Variants in RAB27A observed in about 807,000 individuals in gnomAD.
The protein encoded by RAB27A is ras-related protein Rab-27A.
In RAB27A, 17 loss-of-function variants were observed where a neutral mutation model predicts 20.8. The ratio of observed to expected loss-of-function variants is 0.82; its 90% CI spans 0.56 to 1.23. The LOEUF is 1.23. RAB27A is among the 50% of genes most tolerant of loss of function. The pLI, the probability that RAB27A is intolerant of heterozygous loss-of-function variation, is 0.00. For synonymous variants in RAB27A, 85 were observed against 92.8 expected (o/e 0.92, Z 0.48); for missense variants, 277 against 266.7 (o/e 1.04, Z -0.27).
At chr15:55,313,308 C>T (rs79034912) in intron 2 of RAB27A, among the ~76,000 whole-genome samples, 4,370 of 152,106 alleles carry the variant, frequency 0.029, 214 homozygotes, top group African/African-American at 0.1. Flanking sequence ...GTCGATGAGA[C>T]GAGCGGAATC....
intron 2 of RAB27A, among the ~76,000 whole-genome samples, chr15:55,257,198 T>G (rs1897111590): frequency 1.3e-5 from 2 of 151,970 alleles, no homozygotes; most frequent in South Asian, 4.2e-4. Flanking sequence ...ATCAGATTTT[T>G]GGAAGGGAAG....
intron 1 of RAB27A, among the ~76,000 whole-genome samples, chr15:55,288,500 G>A (rs550955377): frequency 4.6e-5 from 7 of 152,038 alleles, no homozygotes; most frequent in African/African-American, 7.2e-5. Flanking sequence ...CTACCTGGGC[G>A]ACAGAGTGAG....
At chr15:55,268,669 A>G (rs1344166872) in intron 2 of RAB27A, among the ~76,000 whole-genome samples, 1 of 152,222 alleles carries the variant, frequency 6.6e-6, no homozygotes, top group African/African-American at 2.4e-5. Context: ...GACAGGAACC[A>G]TGTCTTATGC....
chr15:55,207,641 G>C (rs962884813), intron 6 of RAB27A, among the ~76,000 whole-genome samples: 1 of 152,116 alleles, frequency 6.6e-6, no homozygotes, highest in Non-Finnish European at 1.5e-5. Flanking sequence ...CTTAAAATGT[G>C]GCTAATGCAA....
chr15:55,317,185 T>C (rs1224950303), intron 1 of RAB27A: 1 of 151,672 alleles, frequency 6.6e-6, no homozygotes, highest in African/African-American at 2.4e-5. Flanking sequence ...TTAACAGTGT[T>C]AGGTTAAAAA....
At chr15:55,306,295 T>G (rs1391394891) in intron 2 of RAB27A, among the ~76,000 whole-genome samples, 1 of 152,160 alleles carries the variant, frequency 6.6e-6, no homozygotes, top group African/African-American at 2.4e-5. Flanking sequence ...TTGAAATGTA[T>G]GGCCTTAAGT....
At chr15:55,318,159 G>A (rs1215800838) in intron 1 of RAB27A, among the ~76,000 whole-genome samples, 6 of 147,818 alleles carry the variant, frequency 4.1e-5, no homozygotes, top group African/African-American at 1.5e-4. Flanking sequence ...GTGCAATGGC[G>A]CAATCTCGGC....
intron 6 of RAB27A, among the ~76,000 whole-genome samples, chr15:55,220,784 A>G (rs1340698403): frequency 1.3e-5 from 2 of 152,194 alleles, no homozygotes; most frequent in Non-Finnish European, 2.9e-5. Context: ...ACATCTGTGA[A>G]AATAATCATT....
At chr15:55,284,469 T>TA (rs1030969471) in intron 1 of RAB27A, among the ~76,000 whole-genome samples, 106 of 151,104 alleles carry the variant, frequency 7.0e-4, no homozygotes, top group African/African-American at 2.9e-4. Context: ...AACAAAACCA[T>TA]AAAAAAAAAT....
chr15:55,309,467 T>C (rs1180532995), intron 2 of RAB27A, among the ~76,000 whole-genome samples: 1 of 152,226 alleles, frequency 6.6e-6, no homozygotes, highest in Non-Finnish European at 1.5e-5. Flanking sequence ...ATCATCCATG[T>C]ACCAAAGGAC....
At chr15:55,296,957 C>T (rs1180380733) in intron 2 of RAB27A, among the ~76,000 whole-genome samples, 1 of 152,078 alleles carries the variant, frequency 6.6e-6, no homozygotes, top group Non-Finnish European at 1.5e-5. Flanking sequence ...AAAAAAAAGA[C>T]ATCAGAAAAA....
At chr15:55,299,592 C>CAA (rs570200207) in intron 2 of RAB27A, among the ~76,000 whole-genome samples, 6,037 of 70,172 alleles carry the variant, frequency 0.086, 218 homozygotes, top group African/African-American at 0.16. Flanking sequence ...GAATCTGTCT[C>CAA]AAAAAAAAAA....
At chr15:55,265,478 A>G (rs574891932) in intron 2 of RAB27A, among the ~76,000 whole-genome samples, 87 of 152,188 alleles carry the variant, frequency 5.7e-4, no homozygotes, top group Non-Finnish European at 9.8e-4. Context: ...TACACAGTGC[A>G]CTAGATAATG....
chr15:55,304,064 G>T (rs192368115), intron 2 of RAB27A, among the ~76,000 whole-genome samples: 3 of 152,170 alleles, frequency 2.0e-5, no homozygotes, highest in African/African-American at 7.2e-5. Context: ...GATGGTTGCC[G>T]TGTCTGTGTA....
At chr15:55,241,547 G>A (rs1595707162) in intron 2 of RAB27A, among the ~76,000 whole-genome samples, 1 of 148,932 alleles carries the variant, frequency 6.7e-6, no homozygotes, top group Admixed American at 6.6e-5. Flanking sequence ...GAGGCAGAAG[G>A]ATGGCTTGAC....
At chr15:55,307,844 GCTTGAT>G (rs1338812138) in intron 2 of RAB27A, among the ~76,000 whole-genome samples, 3 of 151,448 alleles carry the variant, frequency 2.0e-5, no homozygotes, top group African/African-American at 7.3e-5. Context: ...CTGACTATCT[GCTTGAT>G]AGTTTTGAAA....
At chr15:55,307,011 G>A (rs1293375894) in intron 2 of RAB27A, among the ~76,000 whole-genome samples, 1 of 152,018 alleles carries the variant, frequency 6.6e-6, no homozygotes, top group Admixed American at 6.5e-5. Flanking sequence ...AGTATCCAGG[G>A]TTTGATTCGA....
At chr15:55,210,450 A>G (rs1272527403) in intron 6 of RAB27A, among the ~76,000 whole-genome samples, 1 of 141,642 alleles carries the variant, frequency 7.1e-6, no homozygotes, top group Non-Finnish European at 1.5e-5. Context: ...TACTGCCTAT[A>G]TTTTGGATAA....
chr15:55,312,933 T>C (rs533329070), intron 2 of RAB27A, among the ~76,000 whole-genome samples: 1 of 152,252 alleles, frequency 6.6e-6, no homozygotes, highest in Non-Finnish European at 1.5e-5. Context: ...AACTTACAAC[T>C]GCTCTCCATC....
Sources: gnomAD v4.1 joint callset for allele counts (sites outside exome capture counted in the v4.1 genomes callset) on GRCh38, gnomAD v4.1.1 for gene constraint, MANE v1.5 for transcripts, NCBI Gene and HGNC (gene_info 2026-07-23, HGNC 2026-07-21) for gene names.